The following ASXL2 variants were observed in gnomAD, a reference collection of about 807,000 sequenced individuals.
ASXL2 encodes the protein ASXL transcriptional regulator 2, also known as putative Polycomb group protein ASXL2.
Under a neutral mutation model 122.0 loss-of-function variants are expected in ASXL2, and 23 were observed. The observed-to-expected ratio is 0.19, with a 90% CI of 0.14 to 0.27. The LOEUF is 0.27. Among genes scored for constraint, ASXL2 ranks in the 10% least tolerant of loss-of-function variants. The probability of loss-of-function intolerance (pLI) is 1.00; values close to 1 mark genes in which losing one functional copy is unlikely to be tolerated. For missense variants in ASXL2, 1,518 were observed against 1,713.8 expected, an observed-to-expected ratio of 0.89 and a Z score of 2.02; for synonymous variants, 650 against 637.0, an observed-to-expected ratio of 1.02 and a Z score of -0.31.
intron 3 of ASXL2, among the ~76,000 whole-genome samples, chr2:25,817,646 G>C (rs1438036169): frequency 6.6e-6 from 1 of 152,122 alleles, no homozygotes; most frequent in East Asian, 1.9e-4. Flanking sequence ...ACTTCTGAAA[G>C]ACAATAGAGC....
At chr2:25,850,099 G>A (rs1055340012) in intron 1 of ASXL2, among the ~76,000 whole-genome samples, 7 of 151,758 alleles carry the variant, frequency 4.6e-5, no homozygotes, top group Non-Finnish European at 8.8e-5. Flanking sequence ...GACACCCTCC[G>A]TCCACAAACT....
At chr2:25,858,208 T>C (rs183237982) in intron 1 of ASXL2, among the ~76,000 whole-genome samples, 1 of 152,264 alleles carries the variant, frequency 6.6e-6, no homozygotes, top group Non-Finnish European at 1.5e-5. Context: ...AGCTTACAGA[T>C]ACAAACAACT....
At chr2:25,838,239 G>A (rs1313546433) in intron 2 of ASXL2, among the ~76,000 whole-genome samples, 1 of 152,186 alleles carries the variant, frequency 6.6e-6, no homozygotes, top group African/African-American at 2.4e-5. Context: ...GGGCTTTTCA[G>A]CTAAGCTCTT....
At chr2:25,860,260 G>A (rs866157366) in intron 1 of ASXL2, among the ~76,000 whole-genome samples, 12 of 151,950 alleles carry the variant, frequency 7.9e-5, no homozygotes, top group Non-Finnish European at 1.5e-4. Flanking sequence ...GCAGTGGGCC[G>A]AGGTCGCGCC....
At chr2:25,851,373 T>C (rs2089714568) in intron 1 of ASXL2, among the ~76,000 whole-genome samples, 1 of 152,242 alleles carries the variant, frequency 6.6e-6, no homozygotes, top group African/African-American at 2.4e-5. Context: ...AATTGGCTAT[T>C]CATTGGCTAT....
chr2:25,828,374 C>T (rs1288042897), intron 3 of ASXL2, among the ~76,000 whole-genome samples: 4 of 151,710 alleles, frequency 2.6e-5, no homozygotes, highest in Non-Finnish European at 5.9e-5. Flanking sequence ...GGCATGGTGG[C>T]GCATGCCTGT....
chr2:25,798,444 G>A (rs1295473537), intron 5 of ASXL2, among the ~76,000 whole-genome samples: 2 of 152,118 alleles, frequency 1.3e-5, no homozygotes, highest in Non-Finnish European at 2.9e-5. Context: ...TTTGGAAAAG[G>A]TCAAACTATG....
At chr2:25,861,672 T>C (rs1314351538) in intron 1 of ASXL2, among the ~76,000 whole-genome samples, 2 of 152,238 alleles carry the variant, frequency 1.3e-5, no homozygotes, top group Non-Finnish European at 2.9e-5. Flanking sequence ...GTAGAAACCA[T>C]ACTTGTGATG....
At chr2:25,768,228 G>C (rs2088386848) in intron 7 of ASXL2, among the ~76,000 whole-genome samples, 1 of 152,176 alleles carries the variant, frequency 6.6e-6, no homozygotes, top group African/African-American at 2.4e-5. Context: ...TTGCTGATTA[G>C]AGGTTTCCAA....
In ASXL2 at chr2:25,740,614, G is replaced by A; in HGVS notation, c.*1415C>T. The A allele has an allele frequency of 4.4e-6, 1 of 229,132 alleles. No homozygotes were observed. Among genetic ancestry groups the A allele is most frequent in the Non-Finnish European group, 8.6e-6 (1 of 115,610 alleles). The allele number at this position is 229,132 out of a possible 1,614,324, so 14.2% of individuals were successfully genotyped here. A position where few individuals can be genotyped will look rare whatever the true frequency, so the allele number is the denominator to read the frequency against. On this transcript the variant is annotated 3_prime_UTR_variant, in exon 13 of 13. Transcript: ENST00000435504. ...ACTCACAATTTCTTCAGTCACTAGA[G>A]AAGGATTTAAAAACAAAAAAGGAAA...
At chr2:25,776,544 G>A (rs34357652) in intron 5 of ASXL2, among the ~76,000 whole-genome samples, 39,107 of 151,926 alleles carry the variant, frequency 0.26, 5,257 homozygotes, top group Non-Finnish European at 0.29. Flanking sequence ...GGGTCTTACT[G>A]TAACTCTATG....
intron 3 of ASXL2, among the ~76,000 whole-genome samples, chr2:25,820,426 T>A (rs1371554242): frequency 6.6e-6 from 1 of 152,192 alleles, no homozygotes; most frequent in Non-Finnish European, 1.5e-5. Flanking sequence ...AGTAAGTATA[T>A]GAGAAAAGTC....
chr2:25,736,118 TAAA>T lies in ASXL2; in HGVS notation c.*5908_*5910del, dbSNP rs1304778168. ...ATTAGTAAATAACATGATTTGTACA[TAAA>T]AAGTTACCAGACTTCTAAAGACCAG... On this transcript the variant is annotated 3_prime_UTR_variant, in exon 13 of 13. Transcript: ENST00000435504. 2 of 152,166 alleles carry T rather than the reference TAAA, an allele frequency of 1.3e-5. No homozygotes were observed. The allele number at this position is 152,166 out of a possible 1,614,324, so 9.4% of individuals were successfully genotyped here. A position where few individuals can be genotyped will look rare whatever the true frequency, so the allele number is the denominator to read the frequency against.
chr2:25,821,547 C>T (rs1179163605), intron 3 of ASXL2, among the ~76,000 whole-genome samples: 7 of 151,204 alleles, frequency 4.6e-5, no homozygotes, highest in African/African-American at 1.7e-4. Context: ...GCAGATCACT[C>T]GAGGTCAGGA....
chr2:25,823,550 A>G (rs2089337667), intron 3 of ASXL2, among the ~76,000 whole-genome samples: 1 of 152,194 alleles, frequency 6.6e-6, no homozygotes, highest in Non-Finnish European at 1.5e-5. Context: ...TGGTTTTTGA[A>G]GCCTGTATAT....
In ASXL2 at chr2:25,738,889, A is replaced by T. The variant is rs562448604; in HGVS notation, c.*3140T>A. On this transcript the variant is annotated 3_prime_UTR_variant, in exon 13 of 13. Coordinates refer to ENST00000435504, the MANE Select transcript of ASXL2 (RefSeq NM_018263.6). ...CTTATTCTTAGAAATGTTACATGAA[A>T]TACCACAGATAGCTTCAGTATCTTG... 6.6e-6 allele frequency: 1 copy of T among 152,346 alleles called. No homozygotes were observed. Among genetic ancestry groups the T allele is most frequent in the South Asian group, 2.1e-4 (1 of 4,830 alleles). The allele number at this position is 152,346 out of a possible 1,614,324, so 9.4% of individuals were successfully genotyped here. A position where few individuals can be genotyped will look rare whatever the true frequency, so the allele number is the denominator to read the frequency against.
intron 4 of ASXL2, among the ~76,000 whole-genome samples, chr2:25,805,200 T>C (rs879321488): frequency 1.3e-5 from 2 of 152,238 alleles, no homozygotes; most frequent in Non-Finnish European, 2.9e-5. Flanking sequence ...GAACTTTGAC[T>C]TTCTCCATTA....
chr2:25,847,632 TTA>T (rs1022545679), intron 1 of ASXL2, among the ~76,000 whole-genome samples: 7 of 152,310 alleles, frequency 4.6e-5, no homozygotes, highest in Non-Finnish European at 7.3e-5. Flanking sequence ...TATTTATTGT[TTA>T]TATACTAAAA....
intron 3 of ASXL2, among the ~76,000 whole-genome samples, chr2:25,826,662 T>A (rs1399205454): frequency 6.6e-6 from 1 of 150,950 alleles, no homozygotes; most frequent in Non-Finnish European, 1.5e-5. Context: ...CAATGATTAA[T>A]CATTTTCCCT....
Sources: gnomAD v4.1 joint callset for allele counts (sites outside exome capture counted in the v4.1 genomes callset) on GRCh38, gnomAD v4.1.1 for gene constraint, MANE v1.5 for transcripts, NCBI Gene and HGNC (gene_info 2026-07-23, HGNC 2026-07-21) for gene names.